NCKAP5: variants seen among roughly 807,000 people sequenced by gnomAD.
The protein encoded by NCKAP5 is nck-associated protein 5.
Under a neutral mutation model 167.0 loss-of-function variants are expected in NCKAP5, and 92 were observed. That is an observed-to-expected ratio of 0.55 (90% CI 0.47 to 0.66). The LOEUF (loss-of-function observed/expected upper bound fraction) is 0.66. Among genes scored for constraint, NCKAP5 ranks in the 30% least tolerant of loss-of-function variants. The probability of loss-of-function intolerance (pLI) is 0.00; values close to 1 mark genes in which losing one functional copy is unlikely to be tolerated. For missense variants in NCKAP5, 2,378 were observed against 2,315.0 expected, an observed-to-expected ratio of 1.03 and a Z score of -0.56; for synonymous variants, 891 against 877.4, an observed-to-expected ratio of 1.02 and a Z score of -0.27.
intron 8 of NCKAP5, among the ~76,000 whole-genome samples, chr2:132,921,207 C>A (rs1297412779): frequency 6.6e-6 from 1 of 152,028 alleles, no homozygotes; most frequent in African/African-American, 2.4e-5. Flanking sequence ...CCAAACTGAA[C>A]CCTTTATCTC....
At chr2:133,191,180 C>G (rs1190664123) in intron 5 of NCKAP5, among the ~76,000 whole-genome samples, 1 of 152,164 alleles carries the variant, frequency 6.6e-6, no homozygotes, top group Non-Finnish European at 1.5e-5. Flanking sequence ...AAATGCTCAT[C>G]ATCACTGGCC....
chr2:133,389,758 T>C (rs971709112), intron 3 of NCKAP5, among the ~76,000 whole-genome samples: 2 of 152,212 alleles, frequency 1.3e-5, no homozygotes, highest in Middle Eastern at 3.2e-3. Context: ...GAGCTCACCC[T>C]CTCTCTTCCC....
intron 19 of NCKAP5, among the ~76,000 whole-genome samples, chr2:132,709,117 G>A (rs1363565690): frequency 6.6e-6 from 1 of 151,328 alleles, no homozygotes; most frequent in African/African-American, 2.4e-5. Context: ...CATTCTTTTG[G>A]GTTTTCTATG....
At chr2:132,965,011 T>C (rs562789565) in intron 7 of NCKAP5, among the ~76,000 whole-genome samples, 8 of 152,360 alleles carry the variant, frequency 5.3e-5, no homozygotes, top group African/African-American at 1.9e-4. Flanking sequence ...TTAATGTATA[T>C]GTATACATTT....
chr2:132,923,161 T>C (rs1013708252), intron 8 of NCKAP5, among the ~76,000 whole-genome samples: 1 of 152,214 alleles, frequency 6.6e-6, no homozygotes, highest in African/African-American at 2.4e-5. Flanking sequence ...GCTTCCTGGA[T>C]ACACTTGAGA....
the NCKAP5 span, among the ~76,000 whole-genome samples, chr2:133,652,661 TACAAAA>T: frequency 6.6e-6 from 1 of 152,234 alleles, no homozygotes; most frequent in Non-Finnish European, 1.5e-5. Context: ...CAAAGAACTT[TACAAAA>T]ACTACTGGGG....
At chr2:133,422,613 C>A (rs1186558222) in intron 3 of NCKAP5, among the ~76,000 whole-genome samples, 1 of 152,136 alleles carries the variant, frequency 6.6e-6, no homozygotes, top group Non-Finnish European at 1.5e-5. Context: ...ACAGGCTTGG[C>A]CAAAGGTAAA....
intron 11 of NCKAP5, among the ~76,000 whole-genome samples, chr2:132,854,727 C>T (rs1689328684): frequency 6.6e-6 from 1 of 152,142 alleles, no homozygotes; most frequent in South Asian, 2.1e-4. Flanking sequence ...AGACCACAGG[C>T]CCTTGAGCAA....
intron 6 of NCKAP5, among the ~76,000 whole-genome samples, chr2:133,075,304 C>CA (rs1347970197): frequency 2.6e-5 from 4 of 151,710 alleles, no homozygotes; most frequent in African/African-American, 7.3e-5. Context: ...AAGAGATTAT[C>CA]AAAAAAAGAG....
At chr2:133,064,914 G>A (rs1269739562) in intron 6 of NCKAP5, among the ~76,000 whole-genome samples, 2 of 152,302 alleles carry the variant, frequency 1.3e-5, no homozygotes, top group East Asian at 3.9e-4. Context: ...CATCTGAGAT[G>A]TAACTGAGGA....
At chr2:132,694,920 T>G (rs2105179193) in intron 19 of NCKAP5, among the ~76,000 whole-genome samples, 1 of 152,178 alleles carries the variant, frequency 6.6e-6, no homozygotes, top group Admixed American at 6.5e-5. Flanking sequence ...CAAGAGAAAT[T>G]TATTTCCCAC....
chr2:133,627,300 T>G, the NCKAP5 span, among the ~76,000 whole-genome samples: 2 of 152,170 alleles, frequency 1.3e-5, no homozygotes, highest in Non-Finnish European at 2.9e-5. Context: ...ACACTTAAAA[T>G]ATTAATCTCC....
At chr2:133,380,867 G>A (rs1686471236) in intron 3 of NCKAP5, among the ~76,000 whole-genome samples, 1 of 152,098 alleles carries the variant, frequency 6.6e-6, no homozygotes, top group African/African-American at 2.4e-5. Flanking sequence ...AACCTATAAA[G>A]GAAGACTTAT....
At chr2:133,180,120 T>C (rs2084665255) in intron 5 of NCKAP5, among the ~76,000 whole-genome samples, 2 of 151,912 alleles carry the variant, frequency 1.3e-5, no homozygotes, top group South Asian at 4.2e-4. Context: ...GGTAAAACAC[T>C]TGCATTAGGA....
At chr2:132,876,592 T>C (rs1691299389) in intron 9 of NCKAP5, among the ~76,000 whole-genome samples, 1 of 152,232 alleles carries the variant, frequency 6.6e-6, no homozygotes, top group Admixed American at 6.5e-5. Context: ...TGTGTGGAAA[T>C]GGATTATCTA....
At chr2:132,727,016 T>A (rs537683235) in intron 18 of NCKAP5, among the ~76,000 whole-genome samples, 1 of 152,342 alleles carries the variant, frequency 6.6e-6, no homozygotes, top group African/African-American at 2.4e-5. Flanking sequence ...TCGTGCCAGG[T>A]ACTAGAAATA....
At position 133,228,131 on chromosome 2, in the gene NCKAP5, G is replaced by A. The variant is rs925496652; in HGVS notation, c.144-14352C>T. Among the ~76,000 whole-genome samples, 3 of 152,196 alleles carry A rather than the reference G, an allele frequency of 2.0e-5. No homozygotes were observed. The East Asian group carries it at 5.8e-4, about 29-fold the overall frequency. ...TGAAGTGACCAGCTTTGACCTGGGA[G>A]CAGGGTCATATAGCACAGTCTTAGA... On this transcript the variant is annotated intron_variant, in intron 4 of 19. Coordinates refer to ENST00000409261, the MANE Select transcript of NCKAP5 (RefSeq NM_207363.3).
chr2:132,723,049 A>G (rs1377908992), intron 19 of NCKAP5, among the ~76,000 whole-genome samples: 1 of 150,920 alleles, frequency 6.6e-6, no homozygotes, highest in Non-Finnish European at 1.5e-5. Context: ...CTGGTCTCCA[A>G]CTCCTGGCCT....
chr2:133,638,253 CA>C, the NCKAP5 span, among the ~76,000 whole-genome samples: 1 of 152,070 alleles, frequency 6.6e-6, no homozygotes, highest in Non-Finnish European at 1.5e-5. Flanking sequence ...TCTAATCAAG[CA>C]TTTGCAGCAC....
Sources: gnomAD v4.1 joint callset for allele counts (sites outside exome capture counted in the v4.1 genomes callset) on GRCh38, gnomAD v4.1.1 for gene constraint, MANE v1.5 for transcripts, NCBI Gene and HGNC (gene_info 2026-07-23, HGNC 2026-07-21) for gene names.